Variants in AKR1C8 observed in about 807,000 individuals in gnomAD.
AKR1C8 encodes aldo-keto reductase family 1 member C-like protein 1.
chr10:5,181,178 T>C, the AKR1C8 span, among the ~76,000 whole-genome samples: 1 of 152,236 alleles, frequency 6.6e-6, no homozygotes, highest in Admixed American at 6.5e-5. Context: ...TAACAATATG[T>C]ATAAAGAATT....
chr10:5,145,216 A>C, the AKR1C8 span, among the ~76,000 whole-genome samples: 1 of 152,272 alleles, frequency 6.6e-6, no homozygotes, highest in African/African-American at 2.4e-5. Context: ...TAAAGACTTA[A>C]ACGTTAGACC....
the AKR1C8 span, among the ~76,000 whole-genome samples, chr10:5,121,490 G>A: frequency 1.3e-5 from 2 of 152,212 alleles, no homozygotes; most frequent in East Asian, 1.9e-4. Context: ...TGTGACAGGC[G>A]AAGAAAGCCA....
At chr10:5,165,446 A>G in the AKR1C8 span, among the ~76,000 whole-genome samples, 83,030 of 151,796 alleles carry the variant, frequency 0.55, 23,628 homozygotes, top group Non-Finnish European at 0.6. Context: ...CAAAACCTCT[A>G]GTTTCCCAAT....
the AKR1C8 span, among the ~76,000 whole-genome samples, chr10:5,143,943 T>G: frequency 6.6e-6 from 1 of 151,910 alleles, no homozygotes; most frequent in Non-Finnish European, 1.5e-5. Context: ...AAAGTGCTAA[T>G]AGTTGACAAT....
At chr10:5,153,426 AT>A in the AKR1C8 span, among the ~76,000 whole-genome samples, 1 of 152,180 alleles carries the variant, frequency 6.6e-6, no homozygotes, top group Non-Finnish European at 1.5e-5. Context: ...GAATCTGAAC[AT>A]TGATTATTTC....
the AKR1C8 span, among the ~76,000 whole-genome samples, chr10:5,177,025 G>A: frequency 6.6e-6 from 1 of 151,910 alleles, no homozygotes; most frequent in African/African-American, 2.4e-5. Context: ...TTGAATAGGA[G>A]TGGTAAGAGA....
the AKR1C8 span, among the ~76,000 whole-genome samples, chr10:5,144,143 T>C: frequency 1.3e-5 from 2 of 152,168 alleles, no homozygotes; most frequent in African/African-American, 2.4e-5. Flanking sequence ...CCTTTCCCCA[T>C]TGCTTGTTTT....
the AKR1C8 span, among the ~76,000 whole-genome samples, chr10:5,178,327 G>T: frequency 6.6e-6 from 1 of 152,160 alleles, no homozygotes; most frequent in Non-Finnish European, 1.5e-5. Flanking sequence ...TAGTTTGATT[G>T]CACTGTGGTC....
the AKR1C8 span, among the ~76,000 whole-genome samples, chr10:5,127,854 T>C: frequency 6.6e-6 from 1 of 151,870 alleles, no homozygotes; most frequent in Non-Finnish European, 1.5e-5. Flanking sequence ...TTTGGAAAAC[T>C]TACCTGAGAG....
the AKR1C8 span, among the ~76,000 whole-genome samples, chr10:5,116,380 G>T: frequency 3.3e-5 from 5 of 152,042 alleles, no homozygotes; most frequent in Admixed American, 3.3e-4. Context: ...GAAGTCACGG[G>T]AATAGGAAGC....
At chr10:5,179,181 CA>C in the AKR1C8 span, among the ~76,000 whole-genome samples, 7 of 152,056 alleles carry the variant, frequency 4.6e-5, no homozygotes, top group South Asian at 2.1e-4. Flanking sequence ...CTGGTGGTGA[CA>C]AAAATCTCTC....
chr10:5,141,852 T>C, the AKR1C8 span, among the ~76,000 whole-genome samples: 1 of 152,120 alleles, frequency 6.6e-6, no homozygotes, highest in African/African-American at 2.4e-5. Context: ...GGTTTTGAAA[T>C]TATAACAAAG....
chr10:5,180,512 A>G, the AKR1C8 span, among the ~76,000 whole-genome samples: 1 of 152,222 alleles, frequency 6.6e-6, no homozygotes, highest in African/African-American at 2.4e-5. Flanking sequence ...CAAAGCTGTC[A>G]GACAGGGACA....
the AKR1C8 span, among the ~76,000 whole-genome samples, chr10:5,152,362 G>A: frequency 6.6e-6 from 1 of 152,146 alleles, no homozygotes. Context: ...CGCCAAAAAT[G>A]GACACAATTT....
At chr10:5,174,487 T>C in the AKR1C8 span, among the ~76,000 whole-genome samples, 1 of 151,614 alleles carries the variant, frequency 6.6e-6, no homozygotes, top group East Asian at 1.9e-4. Context: ...ATTTACTAAA[T>C]ATTTTAAGAT....
the AKR1C8 span, chr10:5,123,825 A>G: frequency 6.2e-7 from 1 of 1,607,382 alleles, no homozygotes; most frequent in Non-Finnish European, 8.5e-7. Context: ...TTCCACCTGC[A>G]GATGACAAAG....
chr10:5,132,755 T>G, the AKR1C8 span: 1 of 1,451,558 alleles, frequency 6.9e-7, no homozygotes, highest in South Asian at 1.2e-5. Context: ...CCTCCACAAC[T>G]CTATTCCTAG....
chr10:5,155,569 C>T, the AKR1C8 span: 1 of 348,780 alleles, frequency 2.9e-6, no homozygotes, highest in Non-Finnish European at 6.0e-6. Context: ...TATTTCACCC[C>T]ATGCCTGAAT....
At chr10:5,168,204 A>C in the AKR1C8 span, among the ~76,000 whole-genome samples, 1 of 152,142 alleles carries the variant, frequency 6.6e-6, no homozygotes, top group South Asian at 2.1e-4. Context: ...TTGCCCTGAA[A>C]AACAACCCAG....
Sources: gnomAD v4.1 joint callset for allele counts (sites outside exome capture counted in the v4.1 genomes callset) on GRCh38, gnomAD v4.1.1 for gene constraint, MANE v1.5 for transcripts, NCBI Gene and HGNC (gene_info 2026-07-23, HGNC 2026-07-21) for gene names.